SRRM1: variants seen among roughly 807,000 people sequenced by gnomAD.
SRRM1 encodes the protein serine/arginine repetitive matrix protein 1.
SRRM1 carries 19 observed loss-of-function variants against 110.2 expected under a neutral mutation model. That is an observed-to-expected ratio of 0.17 (90% confidence interval 0.12 to 0.25). The LOEUF is 0.25. Ranked by LOEUF, SRRM1 falls within the 10% of genes least tolerant of loss-of-function variation. SRRM1 has a pLI of 1.00. For synonymous variants in SRRM1, 443 were observed against 414.9 expected, an observed-to-expected ratio of 1.07 and a Z score of -0.82; for missense variants, 918 against 1,145.8, an observed-to-expected ratio of 0.80 and a Z score of 2.87.
chr1:24,649,043 C>A lies in SRRM1; in HGVS notation c.405+14C>A. ...AAACAAAGACAGGTAATAACCTTTTCTTTTCTGTAATGTCGATTTGAGAGT... is the reference window on the plus strand; with the variant it reads ...AAACAAAGACAGGTAATAACCTTTTATTTTCTGTAATGTCGATTTGAGAGT... On this transcript the variant is annotated intron_variant, in intron 4 of 16. Transcript: ENST00000323848. 2 of 1,608,946 alleles carry A rather than the reference C, an allele frequency of 1.2e-6. No individual in the cohort carries two copies. Among genetic ancestry groups the A allele is most frequent in the Non-Finnish European group, 1.7e-6 (2 of 1,178,392 alleles).
At chr1:24,671,970 T>C (rs1672990160) in intron 16 of SRRM1, among the ~76,000 whole-genome samples, 1 of 152,078 alleles carries the variant, frequency 6.6e-6, no homozygotes, top group African/African-American at 2.4e-5. Flanking sequence ...GTGCACAATG[T>C]GCAGGTTTGT....
At chr1:24,647,806 A>G (rs1658426771) in intron 3 of SRRM1, 1 of 152,456 alleles carries the variant, frequency 6.6e-6, no homozygotes, top group Non-Finnish European at 1.5e-5. Context: ...CATCTTAGAA[A>G]ACCAGGAACA....
At chr1:24,655,816 T>C (rs1003563096) in intron 9 of SRRM1, among the ~76,000 whole-genome samples, 15 of 152,210 alleles carry the variant, frequency 9.9e-5, no homozygotes, top group Non-Finnish European at 1.8e-4. Context: ...AGCTTAGGGC[T>C]GGAATGATAT....
Position 24,671,463 on chromosome 1 carries a change from G to A in SRRM1, c.2478G>A (p.Lys826=), listed in dbSNP as rs765023818. Residue 826 remains lysine, a synonymous_variant, in exon 16 of 17, where the codon AAG becomes AAA. Coordinates refer to ENST00000323848, the MANE Select transcript of SRRM1 (RefSeq NM_005839.4). Reference sequence around the variant, plus strand: ...AACACAAAAAGGATAAGAAGCACAAGAAGCACAAAAAACACAAGAAGGAAA... The same window carrying A: ...AACACAAAAAGGATAAGAAGCACAAAAAGCACAAAAAACACAAGAAGGAAA... ...DKKHKKDKKH[K]KHKKHKKEKA... is the part of the protein sequence containing the mutation. 2 of 1,613,396 alleles carry A rather than the reference G, an allele frequency of 1.2e-6. No homozygotes were observed. Among genetic ancestry groups the A allele is most frequent in the East Asian group, 2.2e-5 (1 of 44,880 alleles).
At chr1:24,671,344 G>A in intron 15 of SRRM1, 42 bp from the exon 16 acceptor site, 5 of 1,513,148 alleles carry the variant, frequency 3.3e-6, no homozygotes, top group East Asian at 4.5e-5. Context: ...ATATTAATCA[G>A]ATTGATTATA....
chr1:24,661,424 C>G (rs1557711056), intron 11 of SRRM1, 28 bp downstream of exon 11: 1 of 1,535,294 alleles, frequency 6.5e-7, no homozygotes, highest in South Asian at 1.1e-5. Flanking sequence ...AGTTTTTTTT[C>G]TACCTGTATT....
chr1:24,650,562 C>T (rs1660062468), intron 5 of SRRM1: 1 of 152,264 alleles, frequency 6.6e-6, no homozygotes, highest in South Asian at 2.1e-4. Context: ...TTTCTTCTTC[C>T]AGTGAGACTA....
At chr1:24,662,331 C>T (rs146293367) in intron 11 of SRRM1, among the ~76,000 whole-genome samples, 20 of 152,194 alleles carry the variant, frequency 1.3e-4, no homozygotes, top group Non-Finnish European at 2.4e-4. Flanking sequence ...ACCTGTAATC[C>T]CAGCTACTCA....
chr1:24,669,469 A>C lies in SRRM1; in HGVS notation c.2086A>C (p.Ser696Arg). 6.2e-7 allele frequency: 1 copy of C among 1,613,910 alleles called. No individual in the cohort carries two copies. The highest frequency in any genetic ancestry group is 8.5e-7 in the Non-Finnish European group (1 of 1,179,898). Residue 696 changes from serine to arginine, a missense_variant, in exon 14 of 17, where the codon AGT (serine) becomes CGT (arginine). Physicochemically the swap from Ser to Arg is moderately radical, Grantham distance 110. Around this residue, in one of 5 missense-constraint regions of SRRM1, gnomAD observed 357 missense variants for 402.9 expected, o/e 0.89. Transcript: ENST00000323848. ...PRPRAPQTSS[S>R]PPPVRRGASS... ...GCCTCGAGCTCCTCAGACCTCCTCA[A>C]GTCCTCCACCCGTTCGAAGAGGAGC...
chr1:24,645,839 G>A, intron 1 of SRRM1, 145 bp from the exon 2 acceptor site: 1 of 572,270 alleles, frequency 1.7e-6, no homozygotes. Context: ...CTACATTGGG[G>A]AAGGAGTATG....
chr1:24,653,610 C>A (rs1487393402), intron 8 of SRRM1, among the ~76,000 whole-genome samples: 1 of 152,050 alleles, frequency 6.6e-6, no homozygotes. Flanking sequence ...GGTTATTTTT[C>A]AAAACCCCAA....
intron 9 of SRRM1, among the ~76,000 whole-genome samples, chr1:24,656,903 A>T (rs1313408535): frequency 6.6e-6 from 1 of 152,158 alleles, no homozygotes; most frequent in East Asian, 1.9e-4. Context: ...ACAAGAGTGG[A>T]TATGTACATA....
At chr1:24,666,171 A>C (rs1270644137) in intron 12 of SRRM1, among the ~76,000 whole-genome samples, 1 of 152,214 alleles carries the variant, frequency 6.6e-6, no homozygotes, top group Non-Finnish European at 1.5e-5. Flanking sequence ...AATAAAAAGC[A>C]GTGCTCTTAT....
chr1:24,646,294 G>A (rs765665404), intron 2 of SRRM1, among the ~76,000 whole-genome samples: 19 of 152,200 alleles, frequency 1.2e-4, no homozygotes, highest in Non-Finnish European at 2.4e-4. Context: ...TTGGGAGGCC[G>A]AGGCGGGCAA....
At chr1:24,652,682 C>T (rs1046026985) in intron 7 of SRRM1, 54 bp downstream of exon 7, 12 of 1,467,598 alleles carry the variant, frequency 8.2e-6, no homozygotes, top group Non-Finnish European at 1.0e-5. Flanking sequence ...TACTACTCTA[C>T]TGGGTACAAT....
Position 24,669,202 on chromosome 1 carries a change from T to C in SRRM1, c.1819T>C (p.Ser607Pro), listed in dbSNP as rs545461340. ...TCCAATACAGAGGAGATACTCTCCT[T>C]CTCCACCTCCAAAGAGAAGAACGGC... ...SPPIQRRYSP[S>P]PPPKRRTASP... The change falls in exon 14 of 17, where the codon TCT becomes CCT. Residue 607 changes from serine to proline, a missense_variant. Transcript: ENST00000323848. 6.2e-7 allele frequency: 1 copy of C among 1,613,958 alleles called. No individual in the cohort carries two copies. The highest frequency in any genetic ancestry group is 1.7e-5 in the Admixed American group (1 of 59,992).
At chr1:24,667,713 A>C (rs1670687873) in intron 13 of SRRM1, among the ~76,000 whole-genome samples, 1 of 152,188 alleles carries the variant, frequency 6.6e-6, no homozygotes, top group Non-Finnish European at 1.5e-5. Flanking sequence ...TAAGTCCTGG[A>C]ACAGAAAAGG....
chr1:24,660,842 T>G (rs756134063), intron 10 of SRRM1, 43 bp downstream of exon 10: 5 of 1,420,634 alleles, frequency 3.5e-6, no homozygotes, highest in Non-Finnish European at 4.8e-6. Context: ...TTGTTTGTTT[T>G]TGTTTTTCTT....
At chr1:24,657,464 A>G (rs1034909749) in intron 9 of SRRM1, among the ~76,000 whole-genome samples, 32 of 152,298 alleles carry the variant, frequency 2.1e-4, no homozygotes, top group African/African-American at 7.2e-4. Context: ...TAGCTTCTCT[A>G]TCTGGTAGTA....
Sources: allele counts gnomAD v4.1 joint callset (sites outside exome capture counted in the v4.1 genomes callset), GRCh38; gene constraint gnomAD v4.1.1; regional missense constraint gnomAD v4.1.1; transcripts MANE v1.5; gene names NCBI Gene and HGNC (gene_info 2026-07-23, HGNC 2026-07-21).